The following ADGB variants were observed in gnomAD, a reference collection of about 807,000 sequenced individuals.
ADGB encodes androglobin.
ADGB carries 172 observed loss-of-function variants against 210.5 expected under a neutral mutation model. The observed-to-expected ratio is 0.82, with a 90% CI of 0.72 to 0.93. The LOEUF is 0.93. Ranked by LOEUF, ADGB falls within the 40% of genes least tolerant of loss-of-function variation. The pLI, the probability that ADGB is intolerant of heterozygous loss-of-function variation, is 0.00. For missense variants in ADGB, 2,025 were observed against 1,964.8 expected (o/e 1.03, Z -0.58); for synonymous variants, 658 against 662.7 (o/e 0.99, Z 0.11).
chr6:146,650,534 G>GTTT (rs60334118), intron 3 of ADGB, among the ~76,000 whole-genome samples: 2 of 99,804 alleles, frequency 2.0e-5, no homozygotes, highest in Admixed American at 1.4e-4. Flanking sequence ...TAATTCACAT[G>GTTT]TTTTTTTTTT....
intron 16 of ADGB, among the ~76,000 whole-genome samples, chr6:146,719,437 A>ATT (rs11382374): frequency 2.0e-5 from 3 of 151,678 alleles, no homozygotes; most frequent in African/African-American, 7.3e-5. Context: ...ATTTCCCTGA[A>ATT]TTTTTTTTAA....
intron 9 of ADGB, among the ~76,000 whole-genome samples, chr6:146,678,413 G>C (rs138778752): frequency 0.01 from 1,574 of 152,248 alleles, 21 homozygotes; most frequent in African/African-American, 0.034. Flanking sequence ...TTTTAGTAGA[G>C]ACAGAGCTTC....
Position 146,691,461 on chromosome 6 carries a change from AAT to A in ADGB, c.1486+185_1486+186del, listed in dbSNP as rs1238719711. Reference sequence around the variant, plus strand: ...ATATATAAAAATATATATATATAAAAATATATATATATATAAATATATATATA... The same window carrying A: ...ATATATAAAAATATATATATATAAAAATATATATATATAAATATATATATA... On this transcript the variant is annotated intron_variant, in intron 11 of 35. Coordinates refer to ENST00000397944, the MANE Select transcript of ADGB (RefSeq NM_024694.4). 4.6e-3 allele frequency among the ~76,000 whole-genome samples: 83 copies of A among 18,218 alleles called. 3 individuals carry two copies. Among genetic ancestry groups the A allele is most frequent in the African/African-American group, 0.011 (24 of 2,136 alleles). 12.0% of individuals were successfully genotyped at this position (18,218 alleles called of 152,430 possible). A position where few individuals can be genotyped will look rare whatever the true frequency, so the allele number is the denominator to read the frequency against.
intron 1 of ADGB, among the ~76,000 whole-genome samples, chr6:146,600,016 C>T (rs958682990): frequency 6.6e-6 from 1 of 152,070 alleles, no homozygotes; most frequent in African/African-American, 2.4e-5. Flanking sequence ...AAGAATTCCA[C>T]ATTGGACTGA....
intron 18 of ADGB, chr6:146,725,052 C>A (rs1295467527): frequency 6.6e-6 from 1 of 152,168 alleles, no homozygotes; most frequent in African/African-American, 2.4e-5. Flanking sequence ...AAAGCCTCAG[C>A]AACAAATGCT....
intron 1 of ADGB, among the ~76,000 whole-genome samples, chr6:146,604,954 A>G (rs552224304): frequency 1.3e-5 from 2 of 152,230 alleles, no homozygotes; most frequent in Non-Finnish European, 2.9e-5. Context: ...GCTTCTGTCT[A>G]ATAGCCACTC....
Position 146,763,919 on chromosome 6 carries a change from C to G in ADGB, c.3569C>G (p.Ser1190Ter). The G allele has an allele frequency of 3.9e-6, 6 of 1,550,686 alleles. No individual in the cohort carries two copies. The highest frequency in any genetic ancestry group is 2.4e-5 in the East Asian group (1 of 40,886). Residue 1190 changes from serine (S) to a stop codon, truncating the protein, a stop_gained, in exon 28 of 36, where the codon TCA becomes TGA. Coordinates refer to ENST00000397944, the MANE Select transcript of ADGB (RefSeq NM_024694.4). LOFTEE classifies it high-confidence loss of function. The stretch of plus-strand genomic sequence containing the variant: ...TATTCAGCTAGCAAGCACATTCTTT[C>G]ATTTCACTCTGCATCCAAGAAAGAG... ...LSSQSSKHIL[S>*]FHSASKKEQE...
At chr6:146,656,210 T>G (rs1258241576) in intron 4 of ADGB, among the ~76,000 whole-genome samples, 2 of 152,216 alleles carry the variant, frequency 1.3e-5, no homozygotes, top group East Asian at 3.9e-4. Flanking sequence ...CCTTGCTGCC[T>G]GTTAAAAACA....
At chr6:146,604,614 T>C (rs1780606758) in intron 1 of ADGB, among the ~76,000 whole-genome samples, 1 of 152,044 alleles carries the variant, frequency 6.6e-6, no homozygotes, top group Non-Finnish European at 1.5e-5. Flanking sequence ...TCCCAGAGGA[T>C]AGCTTATTCT....
chr6:146,633,441 C>T (rs1467498852), intron 1 of ADGB, among the ~76,000 whole-genome samples: 1 of 151,982 alleles, frequency 6.6e-6, no homozygotes, highest in Non-Finnish European at 1.5e-5. Context: ...AGACCCTCCC[C>T]CTGCCTTAGA....
intron 12 of ADGB, among the ~76,000 whole-genome samples, chr6:146,694,197 T>C (rs1360038260): frequency 1.3e-5 from 2 of 152,200 alleles, no homozygotes; most frequent in South Asian, 2.1e-4. Context: ...ATTCATGTTC[T>C]GTCTTAGCCT....
chr6:146,604,613 A>G (rs1161481782), intron 1 of ADGB, among the ~76,000 whole-genome samples: 2 of 152,122 alleles, frequency 1.3e-5, no homozygotes, highest in African/African-American at 2.4e-5. Flanking sequence ...TTCCCAGAGG[A>G]TAGCTTATTC....
Position 146,782,030 on chromosome 6 carries a change from A to G in ADGB, c.3873A>G (p.Glu1291=). 1 of 1,486,180 alleles carries G rather than the reference A, an allele frequency of 6.7e-7. No individual in the cohort carries two copies. The highest frequency in any genetic ancestry group is 8.9e-7 in the Non-Finnish European group (1 of 1,123,744). The allele number at this position is 1,486,180 out of a possible 1,614,324, so 92.1% of individuals were successfully genotyped here. A position where few individuals can be genotyped will look rare whatever the true frequency, so the allele number is the denominator to read the frequency against. ...TTTATGTCTCTCTAGCTTATGGTGA[A>G]AGACACGAGGAGTTAATTAACTTAG... ...LKKSNTKAYG[E]RHEELINLGS... is the part of the protein sequence containing the mutation. The change falls in exon 30 of 36, where the codon GAA becomes GAG. Residue 1291 remains glutamate, a synonymous_variant. Transcript: ENST00000397944.
chr6:146,758,343 T>G (rs1042609576), intron 27 of ADGB, among the ~76,000 whole-genome samples: 1 of 152,050 alleles, frequency 6.6e-6, no homozygotes, highest in African/African-American at 2.4e-5. Flanking sequence ...TGGGCACTTT[T>G]GTGCAGCTCT....
Position 146,685,806 on chromosome 6 carries a change from A to T in ADGB, c.1289A>T (p.Lys430Met). 6.5e-7 allele frequency: 1 copy of T among 1,536,982 alleles called. No individual in the cohort carries two copies. Among genetic ancestry groups the T allele is most frequent in the Non-Finnish European group, 8.8e-7 (1 of 1,139,774 alleles). The change falls in exon 10 of 36, where the codon AAG (lysine) becomes ATG (methionine). Residue 430 changes from lysine (K) to methionine (M), a missense_variant. Coordinates refer to ENST00000397944, the MANE Select transcript of ADGB (RefSeq NM_024694.4). ...TFTPLYLFEN[K>M]IFSLEKMADS... Reference sequence around the variant, plus strand: ...ACACCTCTTTATTTGTTTGAAAACAAGATCTTTTCATTAGAGAAGATGGTA... The same window carrying T: ...ACACCTCTTTATTTGTTTGAAAACATGATCTTTTCATTAGAGAAGATGGTA...
intron 2 of ADGB, among the ~76,000 whole-genome samples, chr6:146,637,009 G>A (rs1775433800): frequency 6.6e-6 from 1 of 151,912 alleles, no homozygotes; most frequent in Non-Finnish European, 1.5e-5. Flanking sequence ...ACTAAAGGAT[G>A]TGACGGGTGA....
chr6:146,666,757 T>C (rs1375932037), intron 6 of ADGB, 59 bp from the exon 7 acceptor site: 3 of 1,007,672 alleles, frequency 3.0e-6, no homozygotes, highest in Non-Finnish European at 4.5e-6. Context: ...CTAGTTCTTA[T>C]ATATCTTTAT....
intron 12 of ADGB, among the ~76,000 whole-genome samples, chr6:146,697,538 A>T (rs193169124): frequency 1.5e-3 from 230 of 152,314 alleles, no homozygotes; most frequent in African/African-American, 5.1e-3. Context: ...GCTTAAGAAC[A>T]CATTAGATAC....
intron 35 of ADGB, among the ~76,000 whole-genome samples, chr6:146,811,983 T>A (rs1190650988): frequency 1.3e-5 from 2 of 152,190 alleles, no homozygotes; most frequent in African/African-American, 4.8e-5. Flanking sequence ...CTGCTGTGTT[T>A]TTTAAACTAT....
Sources: allele counts gnomAD v4.1 joint callset (sites outside exome capture counted in the v4.1 genomes callset), GRCh38; gene constraint gnomAD v4.1.1; transcripts MANE v1.5; gene names NCBI Gene and HGNC (gene_info 2026-07-23, HGNC 2026-07-21).